The following XPR1 variants were observed in gnomAD, a reference collection of about 807,000 sequenced individuals.
The protein encoded by XPR1 is solute carrier family 53 member 1.
Under a neutral mutation model 87.5 loss-of-function variants are expected in XPR1, and 28 were observed. The observed-to-expected ratio is 0.32, with a 90% CI of 0.24 to 0.44. XPR1 has a LOEUF of 0.44. Ranked by LOEUF, XPR1 falls within the 20% of genes least tolerant of loss-of-function variation. The pLI is 1.00. For missense variants in XPR1, 559 were observed against 862.3 expected (o/e 0.65, Z 4.41); for synonymous variants, 300 against 306.1 (o/e 0.98, Z 0.21).
intron 3 of XPR1, 34 bp from the exon 4 acceptor site, chr1:180,803,354 T>C: frequency 6.3e-7 from 1 of 1,579,054 alleles, no homozygotes; most frequent in Non-Finnish European, 8.6e-7. Context: ...TTTTTTATCT[T>C]ACTGATTTGA....
At chr1:180,861,777 T>C (rs1455431196) in intron 11 of XPR1, among the ~76,000 whole-genome samples, 1 of 151,870 alleles carries the variant, frequency 6.6e-6, no homozygotes, top group Non-Finnish European at 1.5e-5. Flanking sequence ...AGCTCTTGGG[T>C]GGGAGTGGGG....
At chr1:180,661,067 G>A (rs1253970165) in intron 1 of XPR1, among the ~76,000 whole-genome samples, 1 of 152,012 alleles carries the variant, frequency 6.6e-6, no homozygotes, top group Non-Finnish European at 1.5e-5. Context: ...GTTATAGCCT[G>A]TTTCTGAATT....
chr1:180,673,711 A>G (rs1454990833), intron 1 of XPR1, among the ~76,000 whole-genome samples: 1 of 152,216 alleles, frequency 6.6e-6, no homozygotes, highest in Non-Finnish European at 1.5e-5. Context: ...AATCTAACTA[A>G]TTATCTGAAG....
At chr1:180,820,410 C>T (rs956674948) in intron 7 of XPR1, among the ~76,000 whole-genome samples, 16 of 152,058 alleles carry the variant, frequency 1.1e-4, no homozygotes, top group African/African-American at 2.7e-4. Flanking sequence ...TTTTAGTTGG[C>T]GTAATGTTTT....
intron 13 of XPR1, among the ~76,000 whole-genome samples, chr1:180,877,137 A>G (rs1652690208): frequency 6.6e-6 from 1 of 152,246 alleles, no homozygotes; most frequent in African/African-American, 2.4e-5. Flanking sequence ...ACCTAGGAAT[A>G]GGTTTAATTA....
intron 1 of XPR1, among the ~76,000 whole-genome samples, chr1:180,641,204 G>A (rs112685656): frequency 6.6e-6 from 1 of 152,106 alleles, no homozygotes; most frequent in Non-Finnish European, 1.5e-5. Context: ...AGTACTTACA[G>A]GATTGTTGTG....
chr1:180,742,018 G>T (rs1197226953), intron 2 of XPR1, among the ~76,000 whole-genome samples: 1 of 151,592 alleles, frequency 6.6e-6, no homozygotes, highest in Non-Finnish European at 1.5e-5. Flanking sequence ...TTGGTAATTT[G>T]TGTCTTTTCT....
chr1:180,824,202 A>T (rs550187242), intron 7 of XPR1, among the ~76,000 whole-genome samples: 1 of 152,200 alleles, frequency 6.6e-6, no homozygotes. Context: ...CTGAAAGTCA[A>T]GTTTTGGGAA....
At chr1:180,842,616 T>C (rs1651555798) in intron 11 of XPR1, among the ~76,000 whole-genome samples, 1 of 152,176 alleles carries the variant, frequency 6.6e-6, no homozygotes, top group Non-Finnish European at 1.5e-5. Context: ...TTTGTTGGAA[T>C]TGGGATTGGA....
At chr1:180,719,328 GA>G (rs1553240802) in intron 2 of XPR1, among the ~76,000 whole-genome samples, 1 of 149,856 alleles carries the variant, frequency 6.7e-6, no homozygotes, top group Non-Finnish European at 1.5e-5. Context: ...AAACAATAAA[GA>G]AAAAAGTTGG....
intron 12 of XPR1, among the ~76,000 whole-genome samples, chr1:180,864,303 CCTTT>C (rs1418637485): frequency 1.3e-5 from 2 of 152,120 alleles, no homozygotes; most frequent in African/African-American, 2.4e-5. Flanking sequence ...CTCCAAGAAG[CCTTT>C]CTTTATTTTT....
rs751784967 is a variant in XPR1 at position 180,835,009 on chromosome 1, G to A, written c.1270G>A (p.Asp424Asn). 3.7e-6 allele frequency: 6 copies of A among 1,613,966 alleles called. No individual in the cohort carries two copies. The African/African-American group carries it at 6.7e-5, about 18-fold the overall frequency. Residue 424 changes from aspartate to asparagine, a missense_variant, in exon 10 of 15, where the codon GAT becomes AAT. This residue lies in a region of XPR1 where 264 missense variants were observed against 377.2 expected (regional missense o/e 0.70). Coordinates refer to ENST00000367590, the MANE Select transcript of XPR1 (RefSeq NM_004736.4). ...ICFYSLELKW[D>N]ESKGLLPNNS... ...CTTCTACAGTTTGGAGCTCAAATGGGATGAAAGTAAGGGCCTGTTGCCAAA... is the reference window on the plus strand; with the variant it reads ...CTTCTACAGTTTGGAGCTCAAATGGAATGAAAGTAAGGGCCTGTTGCCAAA...
At chr1:180,692,939 AT>A (rs1448359449) in intron 2 of XPR1, among the ~76,000 whole-genome samples, 1 of 152,214 alleles carries the variant, frequency 6.6e-6, no homozygotes, top group Non-Finnish European at 1.5e-5. Flanking sequence ...AGTGTTTAAA[AT>A]ATTTCATCAC....
chr1:180,816,847 G>A (rs1571865015), intron 7 of XPR1, among the ~76,000 whole-genome samples: 1 of 152,176 alleles, frequency 6.6e-6, no homozygotes, highest in East Asian at 1.9e-4. Context: ...ATTTTAGAGT[G>A]AACTCCTCCT....
chr1:180,762,002 T>C (rs2102053675), intron 2 of XPR1, among the ~76,000 whole-genome samples: 1 of 151,764 alleles, frequency 6.6e-6, no homozygotes, highest in Non-Finnish European at 1.5e-5. Flanking sequence ...ACCATCATTC[T>C]CAGCAAACTA....
In XPR1 at chr1:180,716,136, G is replaced by T. The variant is rs552893564; in HGVS notation, c.121+33725G>T. Reference sequence around the variant, plus strand: ...TATATCAGCTACAGAGTTTTGGGGGGTTTTTTGTTTGTTTGTTGGAGCCAG... The same window carrying T: ...TATATCAGCTACAGAGTTTTGGGGGTTTTTTTGTTTGTTTGTTGGAGCCAG... On this transcript the variant is annotated intron_variant, in intron 2 of 14. Transcript: ENST00000367590. Among the ~76,000 whole-genome samples the T allele has an allele frequency of 5.3e-5, 8 of 152,022 alleles. No homozygotes were observed. The South Asian group carries it at 1.0e-3, about 20-fold the overall frequency.
chr1:180,664,505 G>C (rs954899722), intron 1 of XPR1, among the ~76,000 whole-genome samples: 5 of 152,104 alleles, frequency 3.3e-5, no homozygotes, highest in African/African-American at 1.2e-4. Flanking sequence ...AGCTCAGTTG[G>C]TATCCCAGTT....
At chr1:180,811,385 A>G (rs1650207505) in intron 6 of XPR1, 22 bp from the exon 7 acceptor site, 1 of 1,602,234 alleles carries the variant, frequency 6.2e-7, no homozygotes. Context: ...CCTGTACTCA[A>G]ATACTATTTT....
intron 6 of XPR1, among the ~76,000 whole-genome samples, chr1:180,810,965 A>G (rs1238005585): frequency 6.6e-6 from 1 of 152,086 alleles, no homozygotes; most frequent in Non-Finnish European, 1.5e-5. Flanking sequence ...ATCCTCTTAA[A>G]TACTTTAAAT....
Sources: gnomAD v4.1 joint callset for allele counts (sites outside exome capture counted in the v4.1 genomes callset) on GRCh38, gnomAD v4.1.1 for gene constraint, gnomAD v4.1.1 regional missense constraint, MANE v1.5 for transcripts, NCBI Gene and HGNC (gene_info 2026-07-23, HGNC 2026-07-21) for gene names.